The following ADAMTS2 variants were observed in gnomAD, a reference collection of about 807,000 sequenced individuals.
ADAMTS2 encodes the protein ADAM metallopeptidase with thrombospondin type 1 motif 2, also known as A disintegrin and metalloproteinase with thrombospondin motifs 2.
ADAMTS2 carries 50 observed loss-of-function variants against 123.0 expected under a neutral mutation model. The ratio of observed to expected loss-of-function variants is 0.41; its 90% CI spans 0.32 to 0.51. The LOEUF (loss-of-function observed/expected upper bound fraction) is 0.51, where lower values mean the gene tolerates loss of function less well. Among genes scored for constraint, ADAMTS2 ranks in the 20% least tolerant of loss-of-function variants. The probability of loss-of-function intolerance (pLI) is 0.35; values close to 1 mark genes in which losing one functional copy is unlikely to be tolerated. For missense variants in ADAMTS2, 1,494 were observed against 1,705.2 expected (o/e 0.88, Z 2.18); for synonymous variants, 678 against 695.4 (o/e 0.98, Z 0.39).
rs531390095 is a variant in ADAMTS2, at chr5:179,155,410, C to T, written c.1133-491G>A. ...CTGGGGGGCGTTTCTTGGGTCTCCCCGTGTTTCTCTGGGGTCCTTGAGACC... is the reference window on the plus strand; with the variant it reads ...CTGGGGGGCGTTTCTTGGGTCTCCCTGTGTTTCTCTGGGGTCCTTGAGACC... On this transcript the variant is annotated intron_variant, in intron 6 of 21. Coordinates refer to ENST00000251582, the MANE Select transcript of ADAMTS2 (RefSeq NM_014244.5). The surrounding 1 kb of genome is among the most constrained non-coding windows in gnomAD (Gnocchi z 5.1). Among the ~76,000 whole-genome samples the T allele has an allele frequency of 2.6e-5, 4 of 152,332 alleles. No individual in the cohort carries two copies. The highest frequency in any genetic ancestry group is 2.1e-4 in the South Asian group (1 of 4,818).
At position 179,314,769 on chromosome 5, in the gene ADAMTS2, C is replaced by T. The variant is rs1756938041; in HGVS notation, c.534+28998G>A. The stretch of plus-strand genomic sequence containing the variant: ...GGCTCCTGTCCCCCGCCAGTGCCCC[C>T]AACCTCTACTCCAGCAGACCTCCAC... On this transcript the variant is annotated intron_variant, in intron 2 of 21. Coordinates refer to ENST00000251582, the MANE Select transcript of ADAMTS2 (RefSeq NM_014244.5). This position sits in a 1 kb window ranked among gnomAD's most constrained non-coding sequence, Gnocchi z 4.5. 6.6e-6 allele frequency among the ~76,000 whole-genome samples: 1 copy of T among 152,170 alleles called. No individual in the cohort carries two copies. Among genetic ancestry groups the T allele is most frequent in the Admixed American group, 6.5e-5 (1 of 15,282 alleles).
Position 179,318,000 on chromosome 5 carries a change from G to A in ADAMTS2, c.534+25767C>T, listed in dbSNP as rs1757050837. Among the ~76,000 whole-genome samples, 1 of 152,166 alleles carries A rather than the reference G, an allele frequency of 6.6e-6. No individual in the cohort carries two copies. Among genetic ancestry groups the A allele is most frequent in the African/African-American group, 2.4e-5 (1 of 41,442 alleles). ...CAGTGATGAATCTGAAGCCCTGCTGGTCAGCAGAGCCTCCACCTGCACGTC... is the reference window on the plus strand; with the variant it reads ...CAGTGATGAATCTGAAGCCCTGCTGATCAGCAGAGCCTCCACCTGCACGTC... On this transcript the variant is annotated intron_variant, in intron 2 of 21. Coordinates refer to ENST00000251582, the MANE Select transcript of ADAMTS2 (RefSeq NM_014244.5). The surrounding 1 kb of genome is among the most constrained non-coding windows in gnomAD (Gnocchi z 4.9).
rs1469483840 is a variant in ADAMTS2, at chr5:179,197,231, C to T, written c.891+10282G>A. Among the ~76,000 whole-genome samples, 3 of 152,094 alleles carry T rather than the reference C, an allele frequency of 2.0e-5. No homozygotes were observed. The highest frequency in any genetic ancestry group is 4.8e-5 in the African/African-American group (2 of 41,408). On this transcript the variant is annotated intron_variant, in intron 4 of 21. Transcript: ENST00000251582. The surrounding 1 kb of genome is among the most constrained non-coding windows in gnomAD (Gnocchi z 4.2). ...GTCTGCCTCCTGTCTACAAGGAGTG[C>T]GGTGGGACCAGGGGCTCACAAAGAC... is the stretch of plus-strand genomic sequence containing the variant.
chr5:179,299,590 A>G (rs1364910303), intron 2 of ADAMTS2, among the ~76,000 whole-genome samples: 1 of 145,908 alleles, frequency 6.9e-6, no homozygotes, highest in African/African-American at 2.5e-5. Context: ...TAGAGATCTG[A>G]AGTCCACAAT....
chr5:179,310,562 T>A (rs1756802007), intron 2 of ADAMTS2, among the ~76,000 whole-genome samples: 1 of 152,058 alleles, frequency 6.6e-6, no homozygotes, highest in African/African-American at 2.4e-5. Flanking sequence ...GAATCCCGGC[T>A]GGGGTGAGGG....
chr5:179,184,147 G>A (rs1764111419), intron 4 of ADAMTS2, among the ~76,000 whole-genome samples: 1 of 152,180 alleles, frequency 6.6e-6, no homozygotes, highest in Non-Finnish European at 1.5e-5. Flanking sequence ...ACCTCCCACA[G>A]GCCAGACTGC....
intron 4 of ADAMTS2, among the ~76,000 whole-genome samples, chr5:179,193,695 T>C (rs1323867945): frequency 6.6e-6 from 1 of 152,166 alleles, no homozygotes; most frequent in Non-Finnish European, 1.5e-5. Flanking sequence ...AGAGATTTAC[T>C]GAGCACCTAC....
intron 21 of ADAMTS2, 107 bp downstream of exon 21, chr5:179,121,554 T>C (rs1208563573): frequency 1.1e-5 from 10 of 914,788 alleles, no homozygotes; most frequent in Non-Finnish European, 1.6e-5. Flanking sequence ...GCCCGCAGAG[T>C]CAGGGGAGCT....
intron 3 of ADAMTS2, among the ~76,000 whole-genome samples, chr5:179,227,036 AGAAAAAC>A (rs1765306596): frequency 1.3e-5 from 2 of 152,228 alleles, no homozygotes; most frequent in Non-Finnish European, 2.9e-5. Flanking sequence ...GGAAAAAGTC[AGAAAAAC>A]GAAAACACAG....
intron 10 of ADAMTS2, among the ~76,000 whole-genome samples, chr5:179,146,376 C>T (rs1405506706): frequency 6.6e-6 from 1 of 152,004 alleles, no homozygotes; most frequent in Non-Finnish European, 1.5e-5. Flanking sequence ...AGGAGGTGCT[C>T]TCTGGTTTCC....
chr5:179,150,948 G>A (rs1360342656), intron 10 of ADAMTS2: 1 of 182,020 alleles, frequency 5.5e-6, no homozygotes, highest in Non-Finnish European at 1.2e-5. Flanking sequence ...CCAGACTGGA[G>A]AGCAGCGACG....
At chr5:179,179,919 A>G (rs1490937976) in intron 5 of ADAMTS2, among the ~76,000 whole-genome samples, 1 of 152,020 alleles carries the variant, frequency 6.6e-6, no homozygotes, top group Non-Finnish European at 1.5e-5. Flanking sequence ...GATGTATTTG[A>G]TCCTATTATG....
intron 4 of ADAMTS2, among the ~76,000 whole-genome samples, chr5:179,201,964 C>T (rs1764577638): frequency 6.6e-6 from 1 of 152,206 alleles, no homozygotes; most frequent in Admixed American, 6.5e-5. Flanking sequence ...CAAAGAGCCC[C>T]TTTCTGTGCC....
chr5:179,256,345 GCCTGAGGCCTCA>G lies in ADAMTS2; in HGVS notation c.688+16554_688+16565del, dbSNP rs952992214. 3.9e-5 allele frequency among the ~76,000 whole-genome samples: 6 copies of G among 152,148 alleles called. No individual in the cohort carries two copies. The highest frequency in any genetic ancestry group is 1.4e-4 in the African/African-American group (6 of 41,416). On this transcript the variant is annotated intron_variant, in intron 3 of 21. Coordinates refer to ENST00000251582, the MANE Select transcript of ADAMTS2 (RefSeq NM_014244.5). The surrounding 1 kb of genome is among the most constrained non-coding windows in gnomAD (Gnocchi z 4.1). ...TGTCAGGCCTGCCATGGAGCTTTGGGCCTGAGGCCTCAGCTGAGGCCAAGGCAGCAGGACTCA... is the reference window on the plus strand; with the variant it reads ...TGTCAGGCCTGCCATGGAGCTTTGGGGCTGAGGCCAAGGCAGCAGGACTCA...
intron 3 of ADAMTS2, among the ~76,000 whole-genome samples, chr5:179,215,094 T>G (rs940151152): frequency 6.6e-6 from 1 of 152,194 alleles, no homozygotes; most frequent in African/African-American, 2.4e-5. Context: ...TAAAATAATA[T>G]TAATGAAAAC....
chr5:179,200,273 G>A (rs1334057735), intron 4 of ADAMTS2, among the ~76,000 whole-genome samples: 1 of 123,376 alleles, frequency 8.1e-6, no homozygotes, highest in African/African-American at 3.2e-5. Flanking sequence ...TTTTGAGAGA[G>A]AATCTCACTC....
chr5:179,257,511 G>GT (rs1412419505), intron 3 of ADAMTS2, among the ~76,000 whole-genome samples: 2 of 152,194 alleles, frequency 1.3e-5, no homozygotes, highest in African/African-American at 4.8e-5. Flanking sequence ...TGCTCCCTCA[G>GT]TGCCGCATCC....
Position 179,129,884 on chromosome 5 carries a change from C to T in ADAMTS2, c.2457+48G>A. The T allele has an allele frequency of 6.2e-7, 1 of 1,609,988 alleles. No homozygotes were observed. The highest frequency in any genetic ancestry group is 8.5e-7 in the Non-Finnish European group (1 of 1,178,554). ...GTCCCAGGCACCCCCATCCCTCCCC[C>T]AGTGGCCACCCGCACCCTTCCCTGG... On this transcript the variant is annotated intron_variant, in intron 16 of 21. Transcript: ENST00000251582. The surrounding 1 kb of genome is among the most constrained non-coding windows in gnomAD (Gnocchi z 4.1).
At chr5:179,195,024 T>C (rs6861896) in intron 4 of ADAMTS2, among the ~76,000 whole-genome samples, 2,542 of 151,912 alleles carry the variant, frequency 0.017, 85 homozygotes, top group African/African-American at 0.058. Context: ...CCACCAGGAG[T>C]CCTCATTAGA....
Sources: allele counts gnomAD v4.1 joint callset (sites outside exome capture counted in the v4.1 genomes callset), GRCh38; gene constraint gnomAD v4.1.1; non-coding constraint Gnocchi (gnomAD v3.1); transcripts MANE v1.5; gene names NCBI Gene and HGNC (gene_info 2026-07-23, HGNC 2026-07-21).